IL32: variants seen among roughly 807,000 people sequenced by gnomAD.
IL32 encodes interleukin 32, also known as interleukin-32.
A neutral mutation model predicts 16.6 loss-of-function variants in IL32; 30 were observed. The ratio of observed to expected loss-of-function variants is 1.81; its 90% CI spans 1.35 to 2.45. IL32 has a LOEUF of 2.45. IL32 is among the 30% of genes most tolerant of loss of function. The pLI, the probability that IL32 is intolerant of heterozygous loss-of-function variation, is 0.00. For missense variants in IL32, 234 were observed against 229.8 expected (o/e 1.02, Z -0.12); for synonymous variants, 70 against 86.1 (o/e 0.81, Z 1.03).
At chr16:3,067,749 A>G in intron 4 of IL32, 136 bp downstream of exon 4, 2 of 869,096 alleles carry the variant, frequency 2.3e-6, no homozygotes, top group South Asian at 1.5e-5. Flanking sequence ...AAATGCTTGC[A>G]CCTGGGTGGC....
At position 3,069,053 on chromosome 16, in the gene IL32, G is replaced by A. The variant is rs1427350683; in HGVS notation, c.265G>A (p.Val89Ile). 2 of 1,607,402 alleles carry A rather than the reference G, an allele frequency of 1.2e-6. No individual in the cohort carries two copies. Among genetic ancestry groups the A allele is most frequent in the East Asian group, 4.5e-5 (2 of 44,756 alleles). ...GLRCRGNRSP[V>I]PDVEDPATEE... is the part of the protein sequence containing the mutation. ...ACGGTGCCGAGGCAACAGATCCCCTGTCCCGGATGTTGAGGATCCCGCAAC... is the reference window on the plus strand; with the variant it reads ...ACGGTGCCGAGGCAACAGATCCCCTATCCCGGATGTTGAGGATCCCGCAAC... The change falls in exon 7 of 7, where the codon GTC becomes ATC. Residue 89 changes from valine (V) to isoleucine (I), a missense_variant. This residue lies in a region of IL32 where 44 missense variants were observed against 103.1 expected (regional missense o/e 0.43). Transcript: ENST00000525643.
intron 5 of IL32, 22 bp from the exon 6 acceptor site, chr16:3,068,158 C>G: frequency 6.2e-7 from 1 of 1,604,008 alleles, no homozygotes; most frequent in South Asian, 1.1e-5. Context: ...AGCATGAACC[C>G]CCTGTGCCCT....
rs749801912 is a variant in IL32 at position 3,068,262 on chromosome 16, G to A, written c.201+23G>A. The A allele has an allele frequency of 7.0e-6, 11 of 1,572,812 alleles. No individual in the cohort carries two copies. In the South Asian group the frequency reaches 1.2e-4, roughly 17 times the overall value. On this transcript the variant is annotated intron_variant, in intron 6 of 6. Coordinates refer to ENST00000525643, the MANE Select transcript of IL32 (RefSeq NM_001376923.1). ...CCAGTGAGTATGACACACCCATCTG[G>A]GCACCTTGCCTTCCTTCACCTCTGC...
intron 5 of IL32, 37 bp downstream of exon 5, chr16:3,068,047 C>G (rs760779865): frequency 4.1e-5 from 66 of 1,613,402 alleles, no homozygotes; most frequent in Non-Finnish European, 5.3e-5. Flanking sequence ...AGCTTAGTCC[C>G]TGGGTCTTAG....
Position 3,067,997 on chromosome 16 carries a change from T to G in IL32, c.128T>G (p.Leu43Arg), listed in dbSNP as rs1385274355. The G allele has an allele frequency of 1.2e-6, 2 of 1,614,014 alleles. No individual in the cohort carries two copies. The highest frequency in any genetic ancestry group is 1.7e-6 in the Non-Finnish European group (2 of 1,179,996). The change falls in exon 5 of 7, where the codon CTG becomes CGG. Residue 43 changes from leucine (L) to arginine (R), a missense_variant. This residue lies in a region of IL32 where 137 missense variants were observed against 80.7 expected (regional missense o/e 1.70). Transcript: ENST00000525643. ...TGTTCCTAACAGGTGATGTCGAGCC[T>G]GGCAGAGCTGGAGGTGAGCCGTGGC... The part of the protein sequence containing the change: ...ESGRGQVMSS[L>R]AELEDDFKEG...
At chr16:3,068,076 T>A in intron 5 of IL32, 66 bp downstream of exon 5, 1 of 1,605,800 alleles carries the variant, frequency 6.2e-7, no homozygotes, top group Non-Finnish European at 8.5e-7. Flanking sequence ...GGACACTGGG[T>A]CTGGGCCCCG....
intron 5 of IL32, 68 bp from the exon 6 acceptor site, chr16:3,068,112 A>T (rs112487615): frequency 3.1e-6 from 5 of 1,602,328 alleles, no homozygotes; most frequent in African/African-American, 1.3e-5. Flanking sequence ...CACCTGGACC[A>T]GTGGGGGCCA....
At chr16:3,066,104 C>G (rs1160455056) in intron 2 of IL32, among the ~76,000 whole-genome samples, 3 of 152,166 alleles carry the variant, frequency 2.0e-5, no homozygotes, top group Non-Finnish European at 4.4e-5. Flanking sequence ...GGGCAGGGCT[C>G]TGCTGGAAAC....
intron 2 of IL32, among the ~76,000 whole-genome samples, chr16:3,066,532 A>G (rs11641468): frequency 0.2 from 29,966 of 151,938 alleles, 3,224 homozygotes; most frequent in Middle Eastern, 0.28. Context: ...GAAACCAGGC[A>G]TGTCACCCCC....
intron 2 of IL32, among the ~76,000 whole-genome samples, 180 bp from the exon 3 acceptor site, chr16:3,067,197 G>GCCCCACCCCT (rs1956439027): frequency 6.6e-6 from 1 of 151,958 alleles, no homozygotes. Flanking sequence ...GGACAGCCCT[G>GCCCCACCCCT]GCCGGTCTTT....
chr16:3,067,638 C>T, intron 4 of IL32, 25 bp downstream of exon 4: 1 of 1,543,730 alleles, frequency 6.5e-7, no homozygotes, highest in Non-Finnish European at 8.9e-7. Flanking sequence ...CCTCAGGCAC[C>T]AGGTCACATG....
In IL32 at chr16:3,069,384, G is replaced by A. The variant is rs377647974; in HGVS notation, c.*29G>A. On this transcript the variant is annotated 3_prime_UTR_variant, in exon 7 of 7. Transcript: ENST00000525643. ...TACTGACACCACCTTTGCCCTCCCCGTCACCGCGCACCCACCCTGACCCCT... is the reference window on the plus strand; with the variant it reads ...TACTGACACCACCTTTGCCCTCCCCATCACCGCGCACCCACCCTGACCCCT... 7.1e-5 allele frequency: 111 copies of A among 1,559,288 alleles called. No individual in the cohort carries two copies. The highest frequency in any genetic ancestry group is 1.6e-4 in the African/African-American group (12 of 73,656).
chr16:3,067,867 C>A (rs563758798), intron 4 of IL32, 117 bp from the exon 5 acceptor site: 1 of 1,275,004 alleles, frequency 7.8e-7, no homozygotes, highest in African/African-American at 1.5e-5. Context: ...GGCCCGGGCC[C>A]CTGGCTGGGC....
chr16:3,068,358 T>G, intron 6 of IL32, 119 bp downstream of exon 6: 1 of 915,192 alleles, frequency 1.1e-6, no homozygotes, highest in Non-Finnish European at 1.7e-6. Flanking sequence ...CAGGCTGGAG[T>G]GCAGTGGCAT....
chr16:3,069,001 T>C lies in IL32; in HGVS notation c.213T>C (p.Pro71=). ...CTCCCATTCCACAGGAGCTCACTCCTCTACTTGAAAAAGAAAGAGATGGAT... is the reference window on the plus strand; with the variant it reads ...CTCCCATTCCACAGGAGCTCACTCCCCTACTTGAAAAAGAAAGAGATGGAT... ...YYEEQHPELT[P]LLEKERDGLR... The change falls in exon 7 of 7, where the codon CCT becomes CCC. Residue 71 remains proline (P), a synonymous_variant. Coordinates refer to ENST00000525643, the MANE Select transcript of IL32 (RefSeq NM_001376923.1). 1 of 1,577,262 alleles carries C rather than the reference T, an allele frequency of 6.3e-7. No homozygotes were observed. Among genetic ancestry groups the C allele is most frequent in the South Asian group, 1.2e-5 (1 of 84,154 alleles).
intron 2 of IL32, among the ~76,000 whole-genome samples, chr16:3,066,480 C>T (rs1050638949): frequency 6.6e-6 from 1 of 152,178 alleles, no homozygotes; most frequent in Non-Finnish European, 1.5e-5. Context: ...GTCCCCAGGC[C>T]CTGCGCACTC....
rs750210356 is a variant in IL32 at position 3,067,599 on chromosome 16, T to A, written c.100T>A (p.Ser34Thr). ...RFYDKMQNAESGRGQVMSSLA... is the reference protein window; with the variant it reads ...RFYDKMQNAETGRGQVMSSLA... Reference sequence around the variant, plus strand: ...TTATGATAAAATGCAAAATGCAGAATCAGGACGTGGACAGGTGGGTGGATT... The same window carrying A: ...TTATGATAAAATGCAAAATGCAGAAACAGGACGTGGACAGGTGGGTGGATT... The change falls in exon 4 of 7, where the codon TCA becomes ACA. Residue 34 changes from serine (S) to threonine (T), a missense_variant. Around this residue, in one of 3 missense-constraint regions of IL32, gnomAD observed 137 missense variants for 80.7 expected, o/e 1.70. Transcript: ENST00000525643. The A allele has an allele frequency of 1.2e-6, 2 of 1,612,932 alleles. No homozygotes were observed. Among genetic ancestry groups the A allele is most frequent in the Admixed American group, 3.3e-5 (2 of 60,010 alleles).
At chr16:3,067,271 C>CGTG (rs1555442478) in intron 2 of IL32, 106 bp from the exon 3 acceptor site, 17 of 603,674 alleles carry the variant, frequency 2.8e-5, no homozygotes, top group East Asian at 2.6e-4. Context: ...CCATGTGTCT[C>CGTG]TGTGTGTGTG....
At chr16:3,066,644 C>A (rs1269818431) in intron 2 of IL32, among the ~76,000 whole-genome samples, 1 of 152,146 alleles carries the variant, frequency 6.6e-6, no homozygotes, top group Admixed American at 6.5e-5. Context: ...GGCCCGGGAC[C>A]TGTGGGTCTG....
Sources: allele counts gnomAD v4.1 joint callset (sites outside exome capture counted in the v4.1 genomes callset), GRCh38; gene constraint gnomAD v4.1.1; regional missense constraint gnomAD v4.1.1; transcripts MANE v1.5; gene names NCBI Gene and HGNC (gene_info 2026-07-23, HGNC 2026-07-21).